KLF12: variants seen among roughly 807,000 people sequenced by gnomAD.
KLF12 encodes KLF transcription factor 12.
Under a neutral mutation model 37.8 loss-of-function variants are expected in KLF12, and 9 were observed. The ratio of observed to expected loss-of-function variants is 0.24; its 90% CI spans 0.14 to 0.42. The LOEUF is 0.42. Ranked by LOEUF, KLF12 falls within the 10% of genes least tolerant of loss-of-function variation. The pLI is 1.00. For synonymous variants in KLF12, 208 were observed against 202.1 expected, an observed-to-expected ratio of 1.03 and a Z score of -0.25; for missense variants, 411 against 516.0, an observed-to-expected ratio of 0.80 and a Z score of 1.97.
At chr13:74,231,242 G>T in the KLF12 span, among the ~76,000 whole-genome samples, 2 of 151,806 alleles carry the variant, frequency 1.3e-5, no homozygotes, top group African/African-American at 2.4e-5. Flanking sequence ...GCTTATCGCT[G>T]AAACTTAGCA....
intron 1 of KLF12, among the ~76,000 whole-genome samples, chr13:74,125,612 T>C (rs947583387): frequency 2.0e-5 from 3 of 152,218 alleles, no homozygotes; most frequent in Admixed American, 1.3e-4. Context: ...CCAGAATTTA[T>C]TGGTCTACTA....
intron 1 of KLF12, among the ~76,000 whole-genome samples, chr13:74,028,910 T>C (rs984681944): frequency 1.3e-5 from 2 of 152,074 alleles, no homozygotes; most frequent in African/African-American, 4.8e-5. Context: ...AAACATATGA[T>C]ATTAAAAAAG....
At chr13:73,828,019 A>C (rs1051312689) in intron 4 of KLF12, among the ~76,000 whole-genome samples, 3 of 152,170 alleles carry the variant, frequency 2.0e-5, no homozygotes, top group African/African-American at 4.8e-5. Context: ...TCTTATCAGC[A>C]TAAGACTCAT....
the KLF12 span, among the ~76,000 whole-genome samples, chr13:74,237,476 A>T: frequency 7.1e-6 from 1 of 140,454 alleles, no homozygotes; most frequent in Non-Finnish European, 1.5e-5. Context: ...CAATTCTGCG[A>T]AGAAAGTCAT....
chr13:73,861,598 T>A (rs1885928995), intron 3 of KLF12, among the ~76,000 whole-genome samples: 1 of 152,214 alleles, frequency 6.6e-6, no homozygotes, highest in South Asian at 2.1e-4. Context: ...ACCAAGAGTG[T>A]CGAAGTTTAA....
chr13:74,173,952 C>T, the KLF12 span, among the ~76,000 whole-genome samples: 9 of 152,256 alleles, frequency 5.9e-5, no homozygotes, highest in Non-Finnish European at 8.8e-5. Flanking sequence ...AATTCCTGTA[C>T]GAACTCAATA....
chr13:74,172,417 ACT>A, the KLF12 span, among the ~76,000 whole-genome samples: 2 of 152,144 alleles, frequency 1.3e-5, no homozygotes, highest in Non-Finnish European at 2.9e-5. Flanking sequence ...AAGTTTGGAG[ACT>A]CTTATCAGAG....
chr13:74,119,641 A>G (rs1877508443), intron 1 of KLF12, among the ~76,000 whole-genome samples: 1 of 152,166 alleles, frequency 6.6e-6, no homozygotes, highest in South Asian at 2.1e-4. Context: ...AGGACAGATC[A>G]ATACAAATTA....
intron 1 of KLF12, among the ~76,000 whole-genome samples, chr13:74,113,542 C>T (rs1235998135): frequency 2.0e-5 from 3 of 152,220 alleles, no homozygotes; most frequent in Non-Finnish European, 2.9e-5. Context: ...GGCACATCTA[C>T]TTACAGCATG....
intron 4 of KLF12, among the ~76,000 whole-genome samples, chr13:73,828,158 T>C (rs1883952360): frequency 6.6e-6 from 1 of 152,192 alleles, no homozygotes; most frequent in Non-Finnish European, 1.5e-5. Flanking sequence ...AGGAGCCTAT[T>C]GCATTGCTTT....
At chr13:73,974,202 A>T (rs1323180527) in intron 2 of KLF12, among the ~76,000 whole-genome samples, 1 of 151,952 alleles carries the variant, frequency 6.6e-6, no homozygotes, top group Non-Finnish European at 1.5e-5. Context: ...AATAGTATAA[A>T]CTTTCCCTAA....
At chr13:74,161,826 G>A in the KLF12 span, among the ~76,000 whole-genome samples, 433 of 152,258 alleles carry the variant, frequency 2.8e-3, 3 homozygotes, top group African/African-American at 9.9e-3. Context: ...CTCCATATAC[G>A]TAAGCAAATC....
chr13:74,295,330 G>A, the KLF12 span, among the ~76,000 whole-genome samples: 4 of 151,944 alleles, frequency 2.6e-5, no homozygotes, highest in Non-Finnish European at 4.4e-5. Flanking sequence ...CACACATAAC[G>A]CATTCTCCAG....
chr13:74,162,201 C>T, the KLF12 span, among the ~76,000 whole-genome samples: 4,766 of 152,246 alleles, frequency 0.031, 106 homozygotes, highest in Middle Eastern at 0.1. Flanking sequence ...TTGTAAAAGA[C>T]GTGAATGATG....
the KLF12 span, among the ~76,000 whole-genome samples, chr13:74,192,363 C>T: frequency 6.6e-6 from 1 of 152,178 alleles, no homozygotes; most frequent in Non-Finnish European, 1.5e-5. Context: ...TTGAACTAGT[C>T]TAGGATACCT....
chr13:73,755,810 C>G (rs1416345538), intron 6 of KLF12, among the ~76,000 whole-genome samples: 1 of 151,906 alleles, frequency 6.6e-6, no homozygotes, highest in Non-Finnish European at 1.5e-5. Flanking sequence ...GCTTTTGCGT[C>G]CTCATAGCTT....
chr13:74,297,473 A>T, the KLF12 span, among the ~76,000 whole-genome samples: 1 of 152,212 alleles, frequency 6.6e-6, no homozygotes, highest in Admixed American at 6.5e-5. Flanking sequence ...GTATCTCAAA[A>T]ACAGTAATCT....
intron 3 of KLF12, among the ~76,000 whole-genome samples, chr13:73,910,083 A>G (rs1888498437): frequency 6.6e-6 from 1 of 152,200 alleles, no homozygotes; most frequent in African/African-American, 2.4e-5. Flanking sequence ...TTAAATGTAT[A>G]GCTGGAAATA....
At chr13:74,052,365 G>T (rs1872979253) in intron 1 of KLF12, among the ~76,000 whole-genome samples, 1 of 152,020 alleles carries the variant, frequency 6.6e-6, no homozygotes, top group Non-Finnish European at 1.5e-5. Flanking sequence ...ATAATTCTGA[G>T]AATTACATTT....
Sources: gnomAD v4.1 joint callset for allele counts (sites outside exome capture counted in the v4.1 genomes callset) on GRCh38, gnomAD v4.1.1 for gene constraint, MANE v1.5 for transcripts, NCBI Gene and HGNC (gene_info 2026-07-23, HGNC 2026-07-21) for gene names.